The following GRIA4 variants were observed in gnomAD, a reference collection of about 807,000 sequenced individuals.
GRIA4 encodes the protein glutamate receptor 4.
In GRIA4, 34 loss-of-function variants were observed where a neutral mutation model predicts 104.0. That is an observed-to-expected ratio of 0.33 (90% CI 0.25 to 0.44). GRIA4 has a LOEUF of 0.44. Ranked by LOEUF, GRIA4 falls within the 20% of genes least tolerant of loss-of-function variation. The pLI is 1.00. For synonymous variants in GRIA4, 386 were observed against 381.9 expected (o/e 1.01, Z -0.13); for missense variants, 750 against 1,096.5 (o/e 0.68, Z 4.46).
chr11:105,961,987 G>C (rs1485144426), intron 14 of GRIA4, among the ~76,000 whole-genome samples: 2 of 152,210 alleles, frequency 1.3e-5, no homozygotes, highest in East Asian at 1.9e-4. Flanking sequence ...ATATCTTGTG[G>C]GCAGACAATG....
chr11:105,713,907 T>C (rs1017728124), intron 3 of GRIA4, among the ~76,000 whole-genome samples: 7 of 152,194 alleles, frequency 4.6e-5, no homozygotes, highest in Non-Finnish European at 7.4e-5. Context: ...CTTCTGTGTG[T>C]GCTGGCAGAC....
At chr11:105,872,943 T>G (rs1048993901) in intron 5 of GRIA4, among the ~76,000 whole-genome samples, 1 of 151,954 alleles carries the variant, frequency 6.6e-6, no homozygotes, top group Non-Finnish European at 1.5e-5. Context: ...TTTTTTTATT[T>G]TTTTAAGTTC....
chr11:105,941,897 GTAA>G (rs1371080622), intron 14 of GRIA4, among the ~76,000 whole-genome samples: 4 of 151,944 alleles, frequency 2.6e-5, no homozygotes, highest in Non-Finnish European at 5.9e-5. Flanking sequence ...ATTTCATTTT[GTAA>G]TAATAACAGG....
rs904137920 is a variant in GRIA4, at chr11:105,934,065, T to C, written c.2294+96T>C. 214 of 1,020,590 alleles carry C rather than the reference T, an allele frequency of 2.1e-4. No individual in the cohort carries two copies. In the African/African-American group the frequency reaches 3.2e-3, roughly 15 times the overall value. 63.2% of individuals were successfully genotyped at this position (1,020,590 alleles called of 1,614,324 possible). The stretch of plus-strand genomic sequence containing the variant: ...AATTATTTTGTTTTGTGTGTGAACA[T>C]GGTATGTTTGTTTGTTTGTTTTCTT... On this transcript the variant is annotated intron_variant, in intron 14 of 16. Coordinates refer to ENST00000282499, the MANE Select transcript of GRIA4 (RefSeq NM_000829.4).
intron 14 of GRIA4, among the ~76,000 whole-genome samples, chr11:105,964,899 C>T (rs1022954063): frequency 6.6e-6 from 1 of 151,938 alleles, no homozygotes; most frequent in South Asian, 2.1e-4. Context: ...CTTTGCCTCC[C>T]AGGTTCAAGC....
chr11:105,630,673 A>G (rs1235229852), intron 3 of GRIA4, among the ~76,000 whole-genome samples: 1 of 150,750 alleles, frequency 6.6e-6, no homozygotes, highest in East Asian at 1.9e-4. Context: ...TGAGTACCCA[A>G]GTAAGGCATT....
chr11:105,965,912 G>A (rs368366975), intron 14 of GRIA4: 42 of 1,368,570 alleles, frequency 3.1e-5, no homozygotes, highest in Non-Finnish European at 4.3e-5. Context: ...TAACAGCTGT[G>A]CAGTTTCTTA....
intron 3 of GRIA4, among the ~76,000 whole-genome samples, chr11:105,737,658 G>A (rs1396448999): frequency 6.6e-6 from 1 of 152,088 alleles, no homozygotes; most frequent in African/African-American, 2.4e-5. Flanking sequence ...TTTCCATGAA[G>A]TATAAGTATT....
intron 4 of GRIA4, among the ~76,000 whole-genome samples, chr11:105,822,450 T>C (rs981121124): frequency 5.3e-5 from 8 of 152,208 alleles, no homozygotes; most frequent in African/African-American, 1.9e-4. Flanking sequence ...TTGCAAAGTC[T>C]TAGGAGGGAA....
chr11:105,742,433 G>A (rs992026594), intron 3 of GRIA4, among the ~76,000 whole-genome samples: 1 of 151,956 alleles, frequency 6.6e-6, no homozygotes, highest in Non-Finnish European at 1.5e-5. Context: ...TCTTTCTGGA[G>A]CCTCATTTAA....
At chr11:105,953,514 T>C (rs1280958380) in intron 14 of GRIA4, among the ~76,000 whole-genome samples, 1 of 152,220 alleles carries the variant, frequency 6.6e-6, no homozygotes, top group Non-Finnish European at 1.5e-5. Context: ...AATGCAGCTA[T>C]ATTTAATAAC....
chr11:105,625,951 A>T (rs1266566222), intron 3 of GRIA4, among the ~76,000 whole-genome samples: 1 of 152,136 alleles, frequency 6.6e-6, no homozygotes, highest in Non-Finnish European at 1.5e-5. Flanking sequence ...AGCTAGCTAT[A>T]AACTATTTTT....
intron 3 of GRIA4, among the ~76,000 whole-genome samples, chr11:105,731,003 C>G (rs1047261221): frequency 1.3e-5 from 2 of 152,072 alleles, no homozygotes; most frequent in African/African-American, 4.8e-5. Context: ...AAGGCAATGG[C>G]AACAAAAGTC....
intron 14 of GRIA4, among the ~76,000 whole-genome samples, chr11:105,949,719 AG>A (rs1948414582): frequency 6.6e-6 from 1 of 152,232 alleles, no homozygotes; most frequent in African/African-American, 2.4e-5. Context: ...AAATTCAGAA[AG>A]GCTAAGAGAA....
chr11:105,979,244 G>C (rs1402659070), intron 16 of GRIA4, among the ~76,000 whole-genome samples: 1 of 152,182 alleles, frequency 6.6e-6, no homozygotes, highest in Admixed American at 6.5e-5. Flanking sequence ...AAACATAAAA[G>C]AGCTTTTAAG....
chr11:105,926,707 A>C (rs979993735), intron 12 of GRIA4, 34 bp from the exon 13 acceptor site: 6 of 1,347,132 alleles, frequency 4.5e-6, no homozygotes, highest in African/African-American at 2.9e-5. Flanking sequence ...TTGGTTAAAG[A>C]AAGGAAAATG....
intron 10 of GRIA4, chr11:105,912,872 C>G: frequency 1.4e-5 from 14 of 981,248 alleles, no homozygotes; most frequent in Non-Finnish European, 1.7e-5. Context: ...TGTAATTATC[C>G]CCAGATTCAG....
intron 4 of GRIA4, among the ~76,000 whole-genome samples, chr11:105,802,316 A>T (rs1942756085): frequency 6.6e-6 from 1 of 152,150 alleles, no homozygotes; most frequent in Non-Finnish European, 1.5e-5. Flanking sequence ...TCCTCTATGC[A>T]TTCCTATTTA....
chr11:105,747,907 C>A lies in GRIA4; in HGVS notation c.248-5074C>A, dbSNP rs551321744. ...TGCTCAATATTAAGAAACGAAAAAA[C>A]TAAACTTCGACACATACTTCAAACA... On this transcript the variant is annotated intron_variant, in intron 3 of 16. Coordinates refer to ENST00000282499, the MANE Select transcript of GRIA4 (RefSeq NM_000829.4). Among the ~76,000 whole-genome samples, 3 of 152,234 alleles carry A rather than the reference C, an allele frequency of 2.0e-5. No homozygotes were observed. The South Asian group carries it at 6.2e-4, about 32-fold the overall frequency.
Sources: gnomAD v4.1 joint callset for allele counts (sites outside exome capture counted in the v4.1 genomes callset) on GRCh38, gnomAD v4.1.1 for gene constraint, MANE v1.5 for transcripts, NCBI Gene and HGNC (gene_info 2026-07-23, HGNC 2026-07-21) for gene names.